The following PLPPR1 variants were observed in gnomAD, a reference collection of about 807,000 sequenced individuals.
PLPPR1 encodes the protein phospholipid phosphatase related 1, also known as phospholipid phosphatase-related protein type 1.
PLPPR1 carries 10 observed loss-of-function variants against 33.1 expected under a neutral mutation model. The ratio of observed to expected loss-of-function variants is 0.30; its 90% CI spans 0.19 to 0.51. The LOEUF (loss-of-function observed/expected upper bound fraction) is 0.51. Ranked by LOEUF, PLPPR1 falls within the 20% of genes least tolerant of loss-of-function variation. The pLI, the probability that PLPPR1 is intolerant of heterozygous loss-of-function variation, is 0.97. For missense variants in PLPPR1, 304 were observed against 408.1 expected, an observed-to-expected ratio of 0.74 and a Z score of 2.20; for synonymous variants, 151 against 151.0, an observed-to-expected ratio of 1.00 and a Z score of 0.00.
chr9:101,258,125 A>G (rs138868566), intron 2 of PLPPR1, among the ~76,000 whole-genome samples: 1 of 152,276 alleles, frequency 6.6e-6, no homozygotes, highest in East Asian at 1.9e-4. Flanking sequence ...CAAGTAGTTA[A>G]TGGTCAATCT....
chr9:101,283,565 A>T (rs1308629432), intron 3 of PLPPR1, among the ~76,000 whole-genome samples: 2 of 152,198 alleles, frequency 1.3e-5, no homozygotes, highest in Non-Finnish European at 2.9e-5. Context: ...TCTTACATAG[A>T]AGAAAAGCTT....
chr9:101,240,839 C>T (rs962648399), intron 2 of PLPPR1, among the ~76,000 whole-genome samples: 2 of 152,072 alleles, frequency 1.3e-5, no homozygotes, highest in Non-Finnish European at 2.9e-5. Context: ...CCTGCCACTT[C>T]AGGCAGATGT....
At chr9:101,029,404 G>C (rs1488668765) in intron 1 of PLPPR1, among the ~76,000 whole-genome samples, 1 of 152,208 alleles carries the variant, frequency 6.6e-6, no homozygotes, top group Non-Finnish European at 1.5e-5. Context: ...GGCTCCCTCC[G>C]TCCCGTTCCA....
rs1828387381 is a variant in PLPPR1, at chr9:101,286,050, C to CT, written c.253-53dup. ...TTGTTTTGTTTTTAAAGCCATGGGCCTCTCTTATCAAACAGATCTCCAACT... is the reference window on the plus strand; with the variant it reads ...TTGTTTTGTTTTTAAAGCCATGGGCCTTCTCTTATCAAACAGATCTCCAACT... On this transcript the variant is annotated intron_variant, in intron 3 of 7. Transcript: ENST00000374874. The CT allele has an allele frequency of 6.0e-6, 9 of 1,496,732 alleles. No homozygotes were observed. The South Asian group carries it at 9.6e-5, about 16-fold the overall frequency. The allele number at this position is 1,496,732 out of a possible 1,614,324, so 92.7% of individuals were successfully genotyped here. A position where few individuals can be genotyped will look rare whatever the true frequency, so the allele number is the denominator to read the frequency against.
intron 1 of PLPPR1, among the ~76,000 whole-genome samples, chr9:101,118,226 C>T (rs931502623): frequency 1.3e-5 from 2 of 152,212 alleles, no homozygotes; most frequent in African/African-American, 4.8e-5. Flanking sequence ...TGCCACTTCA[C>T]AGATGGGACA....
intron 1 of PLPPR1, among the ~76,000 whole-genome samples, chr9:101,083,684 C>G (rs553219912): frequency 6.6e-6 from 1 of 152,274 alleles, no homozygotes; most frequent in Non-Finnish European, 1.5e-5. Context: ...ATGCAGCATC[C>G]TCAGTGTAGA....
chr9:101,169,415 A>G (rs1447059392), intron 1 of PLPPR1, among the ~76,000 whole-genome samples: 1 of 152,172 alleles, frequency 6.6e-6, no homozygotes, highest in African/African-American at 2.4e-5. Context: ...GAATTAGGGC[A>G]ATGCCCTTCT....
rs143408819 is a variant in PLPPR1 at position 101,279,458 on chromosome 9, A to G, written c.253-6646A>G. ...AATCAATAAAGGAACATTGATCTTA[A>G]TCTGTAGTATAGACCAAATGGACTT... On this transcript the variant is annotated intron_variant, in intron 3 of 7. Coordinates refer to ENST00000374874, the MANE Select transcript of PLPPR1 (RefSeq NM_207299.2). 5.8e-4 allele frequency among the ~76,000 whole-genome samples: 89 copies of G among 152,350 alleles called. No individual in the cohort carries two copies. The Middle Eastern group carries it at 0.014, about 23-fold the overall frequency.
intron 6 of PLPPR1, among the ~76,000 whole-genome samples, chr9:101,316,985 G>T (rs555493039): frequency 5.3e-5 from 8 of 152,234 alleles, no homozygotes; most frequent in African/African-American, 1.9e-4. Context: ...TTATGAAATT[G>T]TTGGGTGGGT....
chr9:101,221,752 G>A (rs1477996605), intron 2 of PLPPR1, among the ~76,000 whole-genome samples: 1 of 152,138 alleles, frequency 6.6e-6, no homozygotes. Flanking sequence ...ACTCTGAAGT[G>A]TGTGCTTTTT....
chr9:101,171,978 A>T (rs1457849597), intron 1 of PLPPR1, among the ~76,000 whole-genome samples: 2 of 151,428 alleles, frequency 1.3e-5, no homozygotes, highest in East Asian at 3.9e-4. Context: ...CTCACGTCTC[A>T]TTCTTATCTT....
chr9:101,275,212 G>C (rs1380572169), intron 3 of PLPPR1, among the ~76,000 whole-genome samples: 1 of 152,154 alleles, frequency 6.6e-6, no homozygotes, highest in Non-Finnish European at 1.5e-5. Flanking sequence ...GTCTGTCCTT[G>C]GTTTTCTGTG....
intron 2 of PLPPR1, among the ~76,000 whole-genome samples, chr9:101,250,326 T>G (rs977825175): frequency 6.6e-6 from 1 of 152,036 alleles, no homozygotes; most frequent in Admixed American, 6.6e-5. Flanking sequence ...ACTGATTCCA[T>G]CCTCCTCCTT....
intron 1 of PLPPR1, among the ~76,000 whole-genome samples, chr9:101,061,195 A>T (rs1830343615): frequency 6.6e-6 from 1 of 151,920 alleles, no homozygotes; most frequent in Non-Finnish European, 1.5e-5. Context: ...CAGATTGAAG[A>T]TCTCATTTTG....
intron 2 of PLPPR1, among the ~76,000 whole-genome samples, chr9:101,213,324 A>C (rs1301598519): frequency 6.6e-6 from 1 of 152,220 alleles, no homozygotes; most frequent in African/African-American, 2.4e-5. Context: ...TGCATAACAT[A>C]GTTTAAGTAA....
intron 1 of PLPPR1, among the ~76,000 whole-genome samples, chr9:101,081,865 G>A (rs1830623463): frequency 6.6e-6 from 1 of 152,212 alleles, no homozygotes; most frequent in Admixed American, 6.5e-5. Context: ...AGAGCTAGGA[G>A]CATAAGCTTG....
chr9:101,305,214 T>C (rs758794719), intron 4 of PLPPR1, among the ~76,000 whole-genome samples: 11 of 151,408 alleles, frequency 7.3e-5, no homozygotes, highest in Non-Finnish European at 1.5e-4. Context: ...AGTGTGTGTG[T>C]GTGTGCGTGC....
At chr9:101,205,354 A>C (rs1217324128) in intron 2 of PLPPR1, among the ~76,000 whole-genome samples, 2 of 152,162 alleles carry the variant, frequency 1.3e-5, no homozygotes, top group East Asian at 3.9e-4. Context: ...TTTTGAGAAA[A>C]ACTATTTTAG....
intron 1 of PLPPR1, among the ~76,000 whole-genome samples, chr9:101,152,093 A>G (rs1215021662): frequency 2.6e-5 from 4 of 152,166 alleles, no homozygotes; most frequent in Admixed American, 2.6e-4. Context: ...CGCCATTCTA[A>G]CTGGTGTGAG....
Sources: allele counts gnomAD v4.1 joint callset (sites outside exome capture counted in the v4.1 genomes callset), GRCh38; gene constraint gnomAD v4.1.1; transcripts MANE v1.5; gene names NCBI Gene and HGNC (gene_info 2026-07-23, HGNC 2026-07-21).